The following UNC5C variants were observed in gnomAD, a reference collection of about 807,000 sequenced individuals.
UNC5C encodes netrin receptor UNC5C.
Under a neutral mutation model 99.8 loss-of-function variants are expected in UNC5C, and 47 were observed. That is an observed-to-expected ratio of 0.47 (90% CI 0.37 to 0.60). The LOEUF is 0.60. Among genes scored for constraint, UNC5C ranks in the 20% least tolerant of loss-of-function variants. UNC5C has a pLI of 0.00. For synonymous variants in UNC5C, 487 were observed against 452.2 expected (o/e 1.08, Z -0.98); for missense variants, 1,062 against 1,165.9 (o/e 0.91, Z 1.30).
In UNC5C at chr4:95,348,718, A is replaced by G. The variant is rs1041473538; in HGVS notation, c.125-13087T>C. ...GAAAAGGTGCTCAACACCATTGATCATTACAGAAATCCAATGAAAACTACA... is the reference window on the plus strand; with the variant it reads ...GAAAAGGTGCTCAACACCATTGATCGTTACAGAAATCCAATGAAAACTACA... On this transcript the variant is annotated intron_variant, in intron 1 of 15. Coordinates refer to ENST00000453304, the MANE Select transcript of UNC5C (RefSeq NM_003728.4). Among the ~76,000 whole-genome samples the G allele has an allele frequency of 5.1e-4, 78 of 151,478 alleles. 1 individual carries two copies. Among genetic ancestry groups the G allele is most frequent in the African/African-American group, 1.6e-3 (65 of 41,424 alleles).
intron 4 of UNC5C, among the ~76,000 whole-genome samples, chr4:95,270,553 T>C (rs934344411): frequency 6.6e-6 from 1 of 152,238 alleles, no homozygotes; most frequent in Non-Finnish European, 1.5e-5. Context: ...AAACACTCTC[T>C]TAATTGCACA....
At chr4:95,480,256 T>A (rs1471422074) in intron 1 of UNC5C, among the ~76,000 whole-genome samples, 1 of 148,760 alleles carries the variant, frequency 6.7e-6, no homozygotes, top group East Asian at 1.9e-4. Context: ...AATGCATATA[T>A]ATTTATAATC....
At chr4:95,271,403 TG>T (rs1481881413) in intron 4 of UNC5C, among the ~76,000 whole-genome samples, 1 of 151,434 alleles carries the variant, frequency 6.6e-6, no homozygotes, top group Non-Finnish European at 1.5e-5. Context: ...AATTTTTTTG[TG>T]TTTTTTAGTA....
rs144921475 is a variant in UNC5C, at chr4:95,229,615, C to T, written c.1109-9439G>A. Among the ~76,000 whole-genome samples, 349 of 151,990 alleles carry T rather than the reference C, an allele frequency of 2.3e-3. 1 individual carries two copies. The highest frequency in any genetic ancestry group is 7.9e-3 in the African/African-American group (329 of 41,446). ...GTGCGCATGTGTCTTTATAGTAGAA[C>T]GATTTATAATCCTTTGTGTATACAC... On this transcript the variant is annotated intron_variant, in intron 7 of 15. Transcript: ENST00000453304.
chr4:95,255,082 C>T (rs182445412), intron 4 of UNC5C, among the ~76,000 whole-genome samples: 24 of 152,072 alleles, frequency 1.6e-4, no homozygotes, highest in African/African-American at 2.4e-4. Flanking sequence ...TGAGTTCAAG[C>T]GATTCCTGTG....
intron 1 of UNC5C, among the ~76,000 whole-genome samples, chr4:95,540,187 T>C (rs1722882345): frequency 6.6e-6 from 1 of 152,208 alleles, no homozygotes; most frequent in Admixed American, 6.5e-5. Flanking sequence ...CTTACAAGTT[T>C]ATACCTTTTA....
intron 7 of UNC5C, among the ~76,000 whole-genome samples, chr4:95,230,363 T>A (rs545660536): frequency 1.3e-5 from 2 of 152,296 alleles, no homozygotes; most frequent in South Asian, 4.1e-4. Flanking sequence ...GATGGATAGA[T>A]TGCAAAAATT....
intron 3 of UNC5C, among the ~76,000 whole-genome samples, chr4:95,297,613 C>G (rs950960986): frequency 6.6e-6 from 1 of 152,156 alleles, no homozygotes; most frequent in Non-Finnish European, 1.5e-5. Flanking sequence ...ACAAACTGCT[C>G]TGAAAGTATT....
intron 7 of UNC5C, among the ~76,000 whole-genome samples, chr4:95,224,396 T>C (rs115756198): frequency 6.6e-6 from 1 of 152,244 alleles, no homozygotes; most frequent in African/African-American, 2.4e-5. Flanking sequence ...AATTTCTCCC[T>C]GTAAAGCAGT....
At chr4:95,360,379 A>G (rs1023216000) in intron 1 of UNC5C, among the ~76,000 whole-genome samples, 1 of 152,222 alleles carries the variant, frequency 6.6e-6, no homozygotes, top group African/African-American at 2.4e-5. Context: ...GAGGAGCAGT[A>G]AGACACGAAT....
At chr4:95,301,067 T>C (rs1219756416) in intron 3 of UNC5C, among the ~76,000 whole-genome samples, 1 of 152,018 alleles carries the variant, frequency 6.6e-6, no homozygotes, top group Non-Finnish European at 1.5e-5. Flanking sequence ...CATGTAAATA[T>C]ATACACCTAC....
chr4:95,377,791 T>C (rs6822806), intron 1 of UNC5C, among the ~76,000 whole-genome samples: 21,234 of 152,042 alleles, frequency 0.14, 1,746 homozygotes, highest in South Asian at 0.23. Flanking sequence ...TTAGGTGGAT[T>C]AATAGTAGCT....
intron 1 of UNC5C, among the ~76,000 whole-genome samples, chr4:95,412,078 G>T (rs1334555953): frequency 6.6e-6 from 1 of 151,424 alleles, no homozygotes; most frequent in African/African-American, 2.4e-5. Flanking sequence ...CCACTTCCTG[G>T]TTGGCATAGT....
intron 1 of UNC5C, among the ~76,000 whole-genome samples, chr4:95,405,100 T>C (rs1375405422): frequency 2.6e-5 from 4 of 152,194 alleles, no homozygotes; most frequent in East Asian, 3.9e-4. Flanking sequence ...GGACAAGAGC[T>C]TGGGGTACAG....
intron 3 of UNC5C, among the ~76,000 whole-genome samples, chr4:95,280,257 C>G (rs1279151661): frequency 6.6e-6 from 1 of 152,130 alleles, no homozygotes; most frequent in African/African-American, 2.4e-5. Flanking sequence ...GAAGAAAACC[C>G]TCAAGATTAT....
At chr4:95,202,591 TA>T in intron 12 of UNC5C, 139 bp downstream of exon 12, 1 of 762,530 alleles carries the variant, frequency 1.3e-6, no homozygotes, top group East Asian at 2.7e-5. Flanking sequence ...CTATCTTTTT[TA>T]AGTGCATCCT....
At chr4:95,331,154 C>CT (rs1178783329) in intron 2 of UNC5C, among the ~76,000 whole-genome samples, 1 of 152,034 alleles carries the variant, frequency 6.6e-6, no homozygotes. Flanking sequence ...TGGTTTCAGT[C>CT]TTTTTTATGG....
intron 1 of UNC5C, among the ~76,000 whole-genome samples, chr4:95,359,369 A>C (rs1744312130): frequency 6.6e-6 from 1 of 152,060 alleles, no homozygotes; most frequent in South Asian, 2.1e-4. Flanking sequence ...TTGTTGGCCA[A>C]AGGTGTTCAG....
At chr4:95,389,033 G>T (rs1248942667) in intron 1 of UNC5C, among the ~76,000 whole-genome samples, 1 of 152,066 alleles carries the variant, frequency 6.6e-6, no homozygotes, top group Non-Finnish European at 1.5e-5. Flanking sequence ...GCTGCAAAAA[G>T]CTGCCCTAAG....
Sources: gnomAD v4.1 joint callset for allele counts (sites outside exome capture counted in the v4.1 genomes callset) on GRCh38, gnomAD v4.1.1 for gene constraint, MANE v1.5 for transcripts, NCBI Gene and HGNC (gene_info 2026-07-23, HGNC 2026-07-21) for gene names.